The following MNDA variants were observed in gnomAD, a reference collection of about 807,000 sequenced individuals.
MNDA encodes epididymis secretory sperm binding protein.
In MNDA, 43 loss-of-function variants were observed where a neutral mutation model predicts 37.8. The observed-to-expected ratio is 1.14, with a 90% CI of 0.89 to 1.47. MNDA has a LOEUF of 1.47. Ranked by LOEUF, MNDA falls within the 40% of genes most tolerant of loss-of-function variation. The probability of loss-of-function intolerance (pLI) is 0.00; values close to 1 mark genes in which losing one functional copy is unlikely to be tolerated. For synonymous variants in MNDA, 181 were observed against 169.0 expected, an observed-to-expected ratio of 1.07 and a Z score of -0.55; for missense variants, 536 against 476.0, an observed-to-expected ratio of 1.13 and a Z score of -1.17.
chr1:158,832,394 T>C (rs749042835), intron 1 of MNDA, among the ~76,000 whole-genome samples: 44 of 151,968 alleles, frequency 2.9e-4, no homozygotes, highest in Non-Finnish European at 4.7e-4. Flanking sequence ...CTAAGCTATT[T>C]TTTACCTTGT....
rs960131057 is a variant in MNDA at position 158,844,124 on chromosome 1, T to C, written c.570+2T>C. On this transcript the variant is annotated splice_donor_variant, in intron 4 of 6. Transcript: ENST00000368141. LOFTEE classifies it high-confidence loss of function. The stretch of plus-strand genomic sequence containing the variant: ...CCATCCAACACTTCGTTTACTCCGG[T>C]ACACTCTTCCTGGTCCTCTTCTCCA... 4 of 1,562,868 alleles carry C rather than the reference T, an allele frequency of 2.6e-6. No homozygotes were observed. The African/African-American group carries it at 5.5e-5, about 21-fold the overall frequency.
intron 2 of MNDA, 42 bp downstream of exon 2, chr1:158,842,460 C>T: frequency 1.3e-6 from 2 of 1,562,986 alleles, no homozygotes; most frequent in Non-Finnish European, 1.7e-6. Flanking sequence ...TGCCTTGAGT[C>T]TCCCCAGTCT....
At chr1:158,847,681 GAT>G (rs1659162382) in intron 5 of MNDA, 45 bp from the exon 6 acceptor site, 1 of 1,547,516 alleles carries the variant, frequency 6.5e-7, no homozygotes, top group Admixed American at 1.8e-5. Context: ...TCATCTATAT[GAT>G]ACTAACAATC....
In MNDA at chr1:158,843,433, G is replaced by GAGCAGGACTGAAGCCTCACAGA; in HGVS notation, c.402+21_402+42dup. ...TAGCTCAGGTAAGCTTGAGAAAGAG[G>GAGCAGGACTGAAGCCTCACAGA]AGCAGGACTGAAGCCTCACAGAAGA... On this transcript the variant is annotated intron_variant, in intron 3 of 6. Transcript: ENST00000368141. 6.3e-7 allele frequency: 1 copy of GAGCAGGACTGAAGCCTCACAGA among 1,586,584 alleles called. No individual in the cohort carries two copies.
intron 5 of MNDA, 74 bp downstream of exon 5, chr1:158,846,077 G>C: frequency 3.0e-6 from 4 of 1,342,328 alleles, no homozygotes; most frequent in Non-Finnish European, 3.1e-6. Flanking sequence ...CAGACTTACT[G>C]TCTGAATATT....
rs1222715058 is a variant in MNDA, at chr1:158,845,573, T to A, written c.571-14T>A. Reference sequence around the variant, plus strand: ...AAAGTTTTAAGTTTATTTTCTTGTGTCTGCCCAACACAGAATCAGGAAACC... The same window carrying A: ...AAAGTTTTAAGTTTATTTTCTTGTGACTGCCCAACACAGAATCAGGAAACC... On this transcript the variant is annotated splice_polypyrimidine_tract_variant and intron_variant, in intron 4 of 6. Transcript: ENST00000368141. 1 of 1,596,690 alleles carries A rather than the reference T, an allele frequency of 6.3e-7. No homozygotes were observed. The highest frequency in any genetic ancestry group is 2.2e-5 in the East Asian group (1 of 44,672).
intron 5 of MNDA, among the ~76,000 whole-genome samples, 175 bp downstream of exon 5, chr1:158,846,178 G>A (rs1248980513): frequency 6.6e-6 from 1 of 152,158 alleles, no homozygotes; most frequent in East Asian, 1.9e-4. Context: ...ACTTTCTTAC[G>A]CCAAAATAAA....
chr1:158,841,539 A>C (rs747930344), intron 1 of MNDA, among the ~76,000 whole-genome samples: 1 of 152,248 alleles, frequency 6.6e-6, no homozygotes. Context: ...TTATAGATGC[A>C]TAGGACACAG....
chr1:158,840,512 A>G (rs1558055940), intron 1 of MNDA, among the ~76,000 whole-genome samples: 2 of 152,162 alleles, frequency 1.3e-5, no homozygotes, highest in Admixed American at 6.5e-5. Flanking sequence ...TAGCCAAACC[A>G]TATCAGCCAC....
Position 158,843,281 on chromosome 1 carries a change from G to A in MNDA, c.268G>A (p.Ala90Thr), listed in dbSNP as rs1193668927. 4 of 1,606,516 alleles carry A rather than the reference G, an allele frequency of 2.5e-6. No individual in the cohort carries two copies. Among genetic ancestry groups the A allele is most frequent in the Non-Finnish European group, 8.5e-7 (1 of 1,177,440 alleles). Residue 90 changes from alanine (A) to threonine (T), a missense_variant and splice_region_variant, in exon 3 of 7, where the codon GCT becomes ACT. Ala to Thr is a moderately conservative substitution (Grantham distance 58, BLOSUM62 0). Coordinates refer to ENST00000368141, the MANE Select transcript of MNDA (RefSeq NM_002432.3). ...NNLRKEKSKV[A>T]KKIKTQEKAP... ...CCCTTTTTCTTTTCTTTTGTCAGTT[G>A]CTAAGAAAATTAAAACACAAGAAAA...
At chr1:158,833,951 T>C (rs1476877302) in intron 1 of MNDA, among the ~76,000 whole-genome samples, 3 of 152,216 alleles carry the variant, frequency 2.0e-5, no homozygotes, top group Non-Finnish European at 4.4e-5. Context: ...ATCTGAACCA[T>C]TTTACATTCC....
rs891324934 is a variant in MNDA, at chr1:158,844,231, G to A, written c.570+109G>A. On this transcript the variant is annotated intron_variant, in intron 4 of 6. Transcript: ENST00000368141. ...TAACTCTTCATATTACTGATTTGCT[G>A]TGGGAAAACTGTTTTCCATATTATG... is the stretch of plus-strand genomic sequence containing the variant. 12 of 1,150,044 alleles carry A rather than the reference G, an allele frequency of 1.0e-5. No homozygotes were observed. In the Admixed American group the frequency reaches 2.7e-4, roughly 26 times the overall value. The allele number at this position is 1,150,044 out of a possible 1,614,324, so 71.2% of individuals were successfully genotyped here.
intron 1 of MNDA, among the ~76,000 whole-genome samples, chr1:158,839,671 C>A (rs891177433): frequency 2.0e-5 from 3 of 152,192 alleles, no homozygotes; most frequent in Admixed American, 6.5e-5. Context: ...GAAGTTTCCT[C>A]CTGATCACGT....
rs534710844 is a variant in MNDA at position 158,848,986 on chromosome 1, C to T, written c.1177-204C>T. 3.3e-5 allele frequency among the ~76,000 whole-genome samples: 5 copies of T among 152,092 alleles called. No individual in the cohort carries two copies. The South Asian group carries it at 1.0e-3, about 32-fold the overall frequency. On this transcript the variant is annotated intron_variant, in intron 6 of 6. Coordinates refer to ENST00000368141, the MANE Select transcript of MNDA (RefSeq NM_002432.3). The stretch of plus-strand genomic sequence containing the variant: ...AAAATCCATTCAGGAAGGAAAAAGA[C>T]AAACAGAGATTAGTTAATGGGGGGA...
Position 158,847,714 on chromosome 1 carries a change from ATCT to A in MNDA, c.988-9_988-7del. ...CAATCCTCTCAGAAACAGGATGTTAATCTTCTTTTGCAGAAAAGCGTACACAAG... is the reference window on the plus strand; with the variant it reads ...CAATCCTCTCAGAAACAGGATGTTAATCTTTTGCAGAAAAGCGTACACAAG... On this transcript the variant is annotated splice_polypyrimidine_tract_variant and intron_variant, in intron 5 of 6. Transcript: ENST00000368141. The A allele has an allele frequency of 6.2e-7, 1 of 1,605,074 alleles. No individual in the cohort carries two copies. Among genetic ancestry groups the A allele is most frequent in the Non-Finnish European group, 8.5e-7 (1 of 1,174,872 alleles).
chr1:158,839,670 T>C (rs1050349755), intron 1 of MNDA, among the ~76,000 whole-genome samples: 2 of 152,310 alleles, frequency 1.3e-5, no homozygotes, highest in East Asian at 3.9e-4. Flanking sequence ...GGAAGTTTCC[T>C]CCTGATCACG....
intron 5 of MNDA, among the ~76,000 whole-genome samples, 184 bp from the exon 6 acceptor site, chr1:158,847,544 A>G (rs1216594851): frequency 2.0e-5 from 3 of 152,126 alleles, no homozygotes; most frequent in Non-Finnish European, 4.4e-5. Flanking sequence ...AAATACCTTA[A>G]GCAGGAAAAA....
At chr1:158,841,178 TAAG>T (rs1659022522) in intron 1 of MNDA, among the ~76,000 whole-genome samples, 1 of 152,068 alleles carries the variant, frequency 6.6e-6, no homozygotes, top group African/African-American at 2.4e-5. Context: ...GAATTAGCAG[TAAG>T]AAGACCTGAA....
At chr1:158,846,997 T>C (rs1046016321) in intron 5 of MNDA, among the ~76,000 whole-genome samples, 1 of 152,236 alleles carries the variant, frequency 6.6e-6, no homozygotes, top group Non-Finnish European at 1.5e-5. Context: ...AAAGAATGAA[T>C]GATTGTGTTA....
Sources: gnomAD v4.1 joint callset for allele counts (sites outside exome capture counted in the v4.1 genomes callset) on GRCh38, gnomAD v4.1.1 for gene constraint, MANE v1.5 for transcripts, NCBI Gene and HGNC (gene_info 2026-07-23, HGNC 2026-07-21) for gene names.